The following FREM1 variants were observed in gnomAD, a reference collection of about 807,000 sequenced individuals.
FREM1 encodes FRAS1-related extracellular matrix protein 1.
In FREM1, 220 loss-of-function variants were observed where a neutral mutation model predicts 210.1. The ratio of observed to expected loss-of-function variants is 1.05; its 90% confidence interval spans 0.94 to 1.17. FREM1 has a LOEUF of 1.17. FREM1 is among the 50% of genes most tolerant of loss of function. FREM1 has a pLI of 0.00. For synonymous variants in FREM1, 1,189 were observed against 980.2 expected (o/e 1.21, Z -3.98); for missense variants, 3,454 against 2,675.5 (o/e 1.29, Z -6.42).
At chr9:14,834,924 GC>G (rs1168414370) in intron 10 of FREM1, among the ~76,000 whole-genome samples, 1 of 152,086 alleles carries the variant, frequency 6.6e-6, no homozygotes, top group Non-Finnish European at 1.5e-5. Flanking sequence ...TGGGAATGTT[GC>G]CATTCACAGA....
At chr9:14,784,346 T>C (rs756567291) in intron 24 of FREM1, 24 bp downstream of exon 24, 1 of 1,604,158 alleles carries the variant, frequency 6.2e-7, no homozygotes, top group South Asian at 1.1e-5. Flanking sequence ...AAGAAGGGGT[T>C]TGAAAAGTTT....
At chr9:14,804,012 G>T (rs766722093) in intron 19 of FREM1, among the ~76,000 whole-genome samples, 15 of 151,992 alleles carry the variant, frequency 9.9e-5, no homozygotes, top group Non-Finnish European at 1.5e-4. Flanking sequence ...TTGAGATTAG[G>T]ACAACAAAAA....
intron 2 of FREM1, among the ~76,000 whole-genome samples, chr9:14,866,448 T>C (rs760816575): frequency 1.3e-5 from 2 of 152,134 alleles, no homozygotes; most frequent in Non-Finnish European, 2.9e-5. Context: ...CATAGGCCAT[T>C]TGAGGTAGGG....
At chr9:14,812,694 GCTT>G in intron 16 of FREM1, 115 bp downstream of exon 16, 1 of 1,042,264 alleles carries the variant, frequency 9.6e-7, no homozygotes, top group East Asian at 2.4e-5. Context: ...GGCTGCAGCT[GCTT>G]CTTGTTTTTA....
At chr9:14,870,350 T>A (rs191397323) in intron 1 of FREM1, among the ~76,000 whole-genome samples, 1 of 152,206 alleles carries the variant, frequency 6.6e-6, no homozygotes, top group African/African-American at 2.4e-5. Context: ...AGCAGCCTGT[T>A]TTTTATGGTA....
chr9:14,768,628 A>G (rs1219978851), intron 27 of FREM1, among the ~76,000 whole-genome samples: 1 of 152,118 alleles, frequency 6.6e-6, no homozygotes, highest in Non-Finnish European at 1.5e-5. Context: ...CATTTTATCG[A>G]GGCAACGGAG....
chr9:14,782,687 G>A (rs1374022172), intron 24 of FREM1, among the ~76,000 whole-genome samples: 4 of 152,176 alleles, frequency 2.6e-5, no homozygotes, highest in African/African-American at 7.2e-5. Flanking sequence ...GAAGAAGGTC[G>A]TCAAGGAAAG....
intron 6 of FREM1, among the ~76,000 whole-genome samples, chr9:14,849,941 T>C (rs533655670): frequency 2.0e-5 from 3 of 152,244 alleles, no homozygotes; most frequent in Admixed American, 6.5e-5. Context: ...CAGACTATGA[T>C]GAAAAGGGGG....
At chr9:14,850,551 C>T (rs984513298) in intron 6 of FREM1, 3 of 152,134 alleles carry the variant, frequency 2.0e-5, no homozygotes, top group African/African-American at 7.2e-5. Context: ...ACAACACACA[C>T]TGGGGCCTGT....
intron 3 of FREM1, among the ~76,000 whole-genome samples, chr9:14,860,958 T>TATACAC (rs1830130948): frequency 1.0e-5 from 1 of 96,620 alleles, no homozygotes; most frequent in Admixed American, 1.0e-4. Flanking sequence ...CATATACACA[T>TATACAC]ATATACACAT....
rs1824697820 is a variant in FREM1, at chr9:14,836,789, T to C, written c.1881+4658A>G. ...AGGAGCCCTAACTGCTGTTCCCCAT[T>C]CAACGCCCCTTTTAAGTAGGAAGTA... On this transcript the variant is annotated intron_variant, in intron 10 of 36. Transcript: ENST00000380880. This position sits in a 1 kb window ranked among gnomAD's most constrained non-coding sequence, Gnocchi z 4.9. 6.6e-6 allele frequency among the ~76,000 whole-genome samples: 1 copy of C among 152,164 alleles called. No homozygotes were observed. The highest frequency in any genetic ancestry group is 2.1e-4 in the South Asian group (1 of 4,826).
chr9:14,771,867 T>C (rs1847626556), intron 25 of FREM1, among the ~76,000 whole-genome samples: 1 of 152,060 alleles, frequency 6.6e-6, no homozygotes, highest in Non-Finnish European at 1.5e-5. Context: ...TTGTGTTAAC[T>C]GAAAAACCCT....
chr9:14,810,143 G>T (rs559779953), intron 16 of FREM1, among the ~76,000 whole-genome samples: 8 of 152,024 alleles, frequency 5.3e-5, no homozygotes, highest in Non-Finnish European at 1.0e-4. Context: ...AGTTTGCCAA[G>T]CAGATAAGGT....
rs1010325648 is a variant in FREM1 at position 14,778,329 on chromosome 9, A to T, written c.4443-2126T>A. 2.2e-5 allele frequency among the ~76,000 whole-genome samples: 3 copies of T among 139,184 alleles called. No homozygotes were observed. The Admixed American group carries it at 2.3e-4, about 10-fold the overall frequency. 91.3% of individuals were successfully genotyped at this position (139,184 alleles called of 152,430 possible). On this transcript the variant is annotated intron_variant, in intron 24 of 36. Transcript: ENST00000380880. ...AATTATTTATTAAAAAAAATAAAAGAGGCTGGTGCAGTGGCTCACACCTGT... is the reference window on the plus strand; with the variant it reads ...AATTATTTATTAAAAAAAATAAAAGTGGCTGGTGCAGTGGCTCACACCTGT...
intron 18 of FREM1, among the ~76,000 whole-genome samples, chr9:14,806,025 G>A (rs539120909): frequency 2.6e-5 from 4 of 152,208 alleles, no homozygotes; most frequent in East Asian, 1.9e-4. Flanking sequence ...GTGAGCTCCC[G>A]CTAGATTCAC....
chr9:14,892,151 C>T (rs1836930550), intron 1 of FREM1, among the ~76,000 whole-genome samples: 1 of 152,106 alleles, frequency 6.6e-6, no homozygotes, highest in South Asian at 2.1e-4. Flanking sequence ...CCTGTAACAT[C>T]TTTATGGTCA....
intron 16 of FREM1, 75 bp downstream of exon 16, chr9:14,812,737 A>T: frequency 7.0e-7 from 1 of 1,426,858 alleles, no homozygotes; most frequent in Non-Finnish European, 9.4e-7. Context: ...CTGTTTGATT[A>T]TGGGAGCCCA....
intron 1 of FREM1, among the ~76,000 whole-genome samples, chr9:14,901,286 A>C (rs1230169571): frequency 6.6e-6 from 1 of 152,220 alleles, no homozygotes; most frequent in Admixed American, 6.5e-5. Context: ...GAAAAATTTA[A>C]ACCTTCTGAT....
intron 16 of FREM1, among the ~76,000 whole-genome samples, chr9:14,808,699 A>T (rs1430865281): frequency 6.6e-6 from 1 of 152,246 alleles, no homozygotes; most frequent in Non-Finnish European, 1.5e-5. Context: ...AAATAGCAAC[A>T]GTCTGTGGAA....
Sources: gnomAD v4.1 joint callset for allele counts (sites outside exome capture counted in the v4.1 genomes callset) on GRCh38, gnomAD v4.1.1 for gene constraint, Gnocchi (gnomAD v3.1) non-coding constraint, MANE v1.5 for transcripts, NCBI Gene and HGNC (gene_info 2026-07-23, HGNC 2026-07-21) for gene names.